Variants in ZNF534 observed in about 807,000 individuals in gnomAD.
The protein encoded by ZNF534 is zinc finger protein 534, also known as KRAB domain only 3.
In ZNF534, 19 loss-of-function variants were observed where a neutral mutation model predicts 13.6. The ratio of observed to expected loss-of-function variants is 1.40; its 90% CI spans 0.97 to 2.05. ZNF534 has a LOEUF of 2.05. Among genes scored for constraint, ZNF534 ranks in the 30% most tolerant of loss-of-function variants. The probability of loss-of-function intolerance (pLI) is 0.00; values close to 1 mark genes in which losing one functional copy is unlikely to be tolerated. For synonymous variants in ZNF534, 244 were observed against 273.8 expected (o/e 0.89, Z 1.07); for missense variants, 782 against 796.3 (o/e 0.98, Z 0.22).
chr19:52,437,702 T>G (rs1292608828), intron 4 of ZNF534, 30 bp from the exon 5 acceptor site: 2 of 1,527,060 alleles, frequency 1.3e-6, no homozygotes, highest in Admixed American at 2.2e-5. Flanking sequence ...AGAATCGGGA[T>G]TAAGTTCTAA....
In ZNF534 at chr19:52,438,294, C is replaced by A. The variant is rs773680773; in HGVS notation, c.834C>A (p.Val278=). The A allele has an allele frequency of 2.5e-6, 4 of 1,605,712 alleles. No individual in the cohort carries two copies. The highest frequency in any genetic ancestry group is 3.4e-6 in the Non-Finnish European group (4 of 1,173,648). ...ACAATAACAAAGAATGTGGGAAAGT[C>A]TTTAGTCACCATGCCTACCTTGCAC... ...KPYNNKECGK[V]FSHHAYLAQH... The change falls in exon 5 of 5, where the codon GTC becomes GTA. Residue 278 remains valine (V), a synonymous_variant. Coordinates refer to ENST00000433050, the MANE Select transcript of ZNF534 (RefSeq NM_001143938.3).
intron 4 of ZNF534, 114 bp from the exon 5 acceptor site, chr19:52,437,618 A>G (rs2059136640): frequency 9.0e-7 from 1 of 1,117,064 alleles, no homozygotes; most frequent in East Asian, 2.6e-5. Flanking sequence ...CAATAAAAAC[A>G]AAGTATGCTG....
At chr19:52,432,404 C>G (rs2059093628) in intron 2 of ZNF534, among the ~76,000 whole-genome samples, 1 of 152,138 alleles carries the variant, frequency 6.6e-6, no homozygotes, top group South Asian at 2.1e-4. Flanking sequence ...CTGCTGCTTA[C>G]TCTGCTGTTT....
At chr19:52,430,919 C>T (rs561062388) in intron 1 of ZNF534, among the ~76,000 whole-genome samples, 5 of 148,786 alleles carry the variant, frequency 3.4e-5, no homozygotes, top group East Asian at 2.0e-4. Context: ...GGTGCGATCT[C>T]GGCTCACTGC....
At chr19:52,437,626 C>G in intron 4 of ZNF534, 106 bp from the exon 5 acceptor site, 1 of 1,147,092 alleles carries the variant, frequency 8.7e-7, no homozygotes, top group Non-Finnish European at 1.2e-6. Context: ...ACAAAGTATG[C>G]TGATAATTTC....
chr19:52,449,083 C>T (rs148969114), intron 4 of ZNF534, among the ~76,000 whole-genome samples: 11 of 152,220 alleles, frequency 7.2e-5, no homozygotes, highest in Middle Eastern at 3.4e-3. Context: ...CTCCCACATA[C>T]GAGTGAGAGT....
rs2059145871 is a variant in ZNF534 at position 52,438,513 on chromosome 19, G to C, written c.1053G>C (p.Glu351Asp). The C allele has an allele frequency of 2.5e-6, 4 of 1,588,020 alleles. No homozygotes were observed. Among genetic ancestry groups the C allele is most frequent in the Non-Finnish European group, 1.7e-6 (2 of 1,166,300 alleles). Reference protein sequence around the residue: ...LTTHQTVHTGERPYKCNECGK... With the variant: ...LTTHQTVHTGDRPYKCNECGK... ...CTCATCAGACAGTTCATACTGGAGA[G>C]AGACCATACAAATGTAATGAATGTG... is the stretch of plus-strand genomic sequence containing the variant. Residue 351 changes from glutamate (E) to aspartate (D), a missense_variant, in exon 5 of 5, where the codon GAG becomes GAC. This residue lies in a region of ZNF534 where 591 missense variants were observed against 574.0 expected (regional missense o/e 1.03). Coordinates refer to ENST00000433050, the MANE Select transcript of ZNF534 (RefSeq NM_001143938.3).
chr19:52,441,931 G>T lies in ZNF534; in HGVS notation c.*2485G>T, dbSNP rs1467996002. ...AGTCCTTACAAGCTGTGTACGGAAA[G>T]CTCGTCATGAGTTTTAGCATTAATG... On this transcript the variant is annotated 3_prime_UTR_variant, in exon 5 of 5. Transcript: ENST00000433050. Among the ~76,000 whole-genome samples, 1 of 152,192 alleles carries T rather than the reference G, an allele frequency of 6.6e-6. No individual in the cohort carries two copies. Among genetic ancestry groups the T allele is most frequent in the Non-Finnish European group, 1.5e-5 (1 of 68,038 alleles).
intron 4 of ZNF534, among the ~76,000 whole-genome samples, chr19:52,449,313 G>A (rs1226409988): frequency 6.6e-6 from 1 of 151,266 alleles, no homozygotes; most frequent in Non-Finnish European, 1.5e-5. Context: ...AGTAAACATG[G>A]GTGTGCAGAT....
chr19:52,443,199 TGTTA>T (rs1331752497), downstream of ZNF534, among the ~76,000 whole-genome samples: 3 of 152,198 alleles, frequency 2.0e-5, no homozygotes, highest in African/African-American at 7.2e-5. Flanking sequence ...ATGGGAATGT[TGTTA>T]ATTTTCGATA....
downstream of ZNF534, among the ~76,000 whole-genome samples, chr19:52,446,443 C>G (rs2059194770): frequency 6.6e-6 from 1 of 152,070 alleles, no homozygotes; most frequent in South Asian, 2.1e-4. Flanking sequence ...ATCCTGAGAC[C>G]CTGAAATTTC....
chr19:52,430,734 G>T (rs147730967), intron 1 of ZNF534, among the ~76,000 whole-genome samples: 2,609 of 151,894 alleles, frequency 0.017, 74 homozygotes, highest in African/African-American at 0.059. Flanking sequence ...TTTTAGGAGA[G>T]ACGGGGTTTC....
chr19:52,437,863 G>T lies in ZNF534; in HGVS notation c.403G>T (p.Val135Phe). 1 of 1,613,826 alleles carries T rather than the reference G, an allele frequency of 6.2e-7. No individual in the cohort carries two copies. The highest frequency in any genetic ancestry group is 8.5e-7 in the Non-Finnish European group (1 of 1,179,828). The change falls in exon 5 of 5, where the codon GTT becomes TTT. Residue 135 changes from valine to phenylalanine, a missense_variant. Transcript: ENST00000433050. ...AAGGAATATTTATGGATGTAAGCAT[G>T]TTGAGAAATCTATCAGTGACAATTC... ...AVRNIYGCKHVEKSISDNSSV... is the reference protein window; with the variant it reads ...AVRNIYGCKHFEKSISDNSSV...
chr19:52,433,646 A>G (rs112241839), intron 2 of ZNF534, among the ~76,000 whole-genome samples: 8,498 of 152,330 alleles, frequency 0.056, 282 homozygotes, highest in African/African-American at 0.088. Context: ...GATTACAGGC[A>G]TGAGCCGCCG....
intron 1 of ZNF534, among the ~76,000 whole-genome samples, chr19:52,429,582 A>C (rs1599856050): frequency 6.9e-6 from 1 of 144,980 alleles, no homozygotes; most frequent in African/African-American, 2.6e-5. Context: ...CTCGTTAGTC[A>C]CTTAATAGTC....
intron 3 of ZNF534, among the ~76,000 whole-genome samples, chr19:52,434,797 T>C (rs935428261): frequency 6.6e-6 from 1 of 152,060 alleles, no homozygotes; most frequent in Admixed American, 6.6e-5. Flanking sequence ...TGATTCATCA[T>C]TGATGGCACC....
chr19:52,439,385 T>C lies in ZNF534; in HGVS notation c.1925T>C (p.Val642Ala). 3 of 1,550,858 alleles carry C rather than the reference T, an allele frequency of 1.9e-6. No homozygotes were observed. Among genetic ancestry groups the C allele is most frequent in the Non-Finnish European group, 2.6e-6 (3 of 1,146,458 alleles). The change falls in exon 5 of 5, where the codon GTC becomes GCC. Residue 642 changes from valine (V) to alanine (A), a missense_variant. Physicochemically the swap from Val to Ala is moderately conservative, Grantham distance 64. Around this residue, in one of 5 missense-constraint regions of ZNF534, gnomAD observed 60 missense variants for 59.9 expected, o/e 1.00. Transcript: ENST00000433050. Reference sequence around the variant, plus strand: ...TACAGTTGTAATGAATGTGGCAAGGTCTTTAGTAAAAATTCCATCCTAGTA... The same window carrying C: ...TACAGTTGTAATGAATGTGGCAAGGCCTTTAGTAAAAATTCCATCCTAGTA... ...KPYSCNECGK[V>A]FSKNSILVQH...
rs2059169205 is a variant in ZNF534 at position 52,441,011 on chromosome 19, C to T, written c.*1565C>T. ...CCACCTCCTAGGTTCAAGCAATTCT[C>T]CTGCCTCTACCTCCCGAGTAGCTAG... On this transcript the variant is annotated 3_prime_UTR_variant, in exon 5 of 5. Coordinates refer to ENST00000433050, the MANE Select transcript of ZNF534 (RefSeq NM_001143938.3). Among the ~76,000 whole-genome samples the T allele has an allele frequency of 6.6e-6, 1 of 151,920 alleles. No homozygotes were observed. The highest frequency in any genetic ancestry group is 1.5e-5 in the Non-Finnish European group (1 of 68,004).
At chr19:52,448,037 AGGGTTAGGCTGAGAT>A (rs1200556190) in intron 4 of ZNF534, among the ~76,000 whole-genome samples, 1 of 152,168 alleles carries the variant, frequency 6.6e-6, no homozygotes, top group Non-Finnish European at 1.5e-5. Flanking sequence ...AGAATTGTTT[AGGGTTAGGCTGAGAT>A]GGGAGGATTT....
Sources: allele counts gnomAD v4.1 joint callset (sites outside exome capture counted in the v4.1 genomes callset), GRCh38; gene constraint gnomAD v4.1.1; regional missense constraint gnomAD v4.1.1; transcripts MANE v1.5; gene names NCBI Gene and HGNC (gene_info 2026-07-23, HGNC 2026-07-21).